Variants in PRKG1 observed in about 807,000 individuals in gnomAD.
PRKG1 encodes cGMP-dependent protein kinase 1.
A neutral mutation model predicts 88.1 loss-of-function variants in PRKG1; 35 were observed. The observed-to-expected ratio is 0.40, with a 90% CI of 0.30 to 0.53. The LOEUF is 0.53. PRKG1 is among the 20% of genes least tolerant of loss of function. The pLI, the probability that PRKG1 is intolerant of heterozygous loss-of-function variation, is 0.59. For synonymous variants in PRKG1, 303 were observed against 292.5 expected, an observed-to-expected ratio of 1.04 and a Z score of -0.37; for missense variants, 540 against 839.8, an observed-to-expected ratio of 0.64 and a Z score of 4.41.
At chr10:52,083,780 T>C (rs1846839996) in intron 7 of PRKG1, among the ~76,000 whole-genome samples, 1 of 152,056 alleles carries the variant, frequency 6.6e-6, no homozygotes. Context: ...GGAAATTAGA[T>C]GTAGATTTAT....
intron 2 of PRKG1, among the ~76,000 whole-genome samples, chr10:51,436,317 C>T (rs763793605): frequency 5.3e-5 from 8 of 151,664 alleles, no homozygotes; most frequent in African/African-American, 1.2e-4. Context: ...TGTTAGTGTG[C>T]GTGTGTTTGT....
chr10:51,312,618 C>A (rs981669255), intron 2 of PRKG1, among the ~76,000 whole-genome samples: 3 of 151,920 alleles, frequency 2.0e-5, no homozygotes, highest in African/African-American at 7.3e-5. Context: ...TCTGAAGGAC[C>A]ATAGTAAAAT....
intron 3 of PRKG1, among the ~76,000 whole-genome samples, chr10:51,690,715 C>T (rs894457431): frequency 6.6e-6 from 1 of 151,856 alleles, no homozygotes; most frequent in Non-Finnish European, 1.5e-5. Flanking sequence ...ATAAGGAGGT[C>T]CAGAGATCGA....
intron 4 of PRKG1, among the ~76,000 whole-genome samples, chr10:51,830,574 T>G (rs10999679): frequency 0.13 from 17,669 of 140,340 alleles, 613 homozygotes; most frequent in South Asian, 0.22. Flanking sequence ...TTTTTTTTTT[T>G]TTTTTGAGTC....
intron 3 of PRKG1, among the ~76,000 whole-genome samples, chr10:51,804,239 C>CT (rs1442443670): frequency 6.6e-6 from 1 of 152,042 alleles, no homozygotes; most frequent in Non-Finnish European, 1.5e-5. Context: ...TTGTGAACCT[C>CT]TTTTTTCTTC....
chr10:51,908,864 G>C (rs1395103664), intron 5 of PRKG1: 1 of 151,882 alleles, frequency 6.6e-6, no homozygotes, highest in African/African-American at 2.4e-5. Flanking sequence ...TGAGTAGTTG[G>C]GATTACAGGT....
chr10:51,919,667 GC>G (rs1842420034), intron 5 of PRKG1, among the ~76,000 whole-genome samples: 1 of 145,684 alleles, frequency 6.9e-6, no homozygotes, highest in African/African-American at 2.4e-5. Flanking sequence ...AAATTGAACA[GC>G]CCCCCACCTT....
At chr10:52,129,811 A>G (rs928542925) in intron 7 of PRKG1, among the ~76,000 whole-genome samples, 2 of 152,212 alleles carry the variant, frequency 1.3e-5, no homozygotes, top group Non-Finnish European at 2.9e-5. Context: ...TCTATTAACA[A>G]GTAAATATAA....
At chr10:51,412,303 A>T (rs1280060516) in intron 2 of PRKG1, among the ~76,000 whole-genome samples, 1 of 152,108 alleles carries the variant, frequency 6.6e-6, no homozygotes, top group Non-Finnish European at 1.5e-5. Flanking sequence ...CACAAAACTC[A>T]AAACTAGCTG....
At chr10:52,129,234 C>G (rs1219756705) in intron 7 of PRKG1, among the ~76,000 whole-genome samples, 4 of 152,130 alleles carry the variant, frequency 2.6e-5, no homozygotes, top group Non-Finnish European at 5.9e-5. Context: ...GATAAAAATA[C>G]ATTTAATAAC....
chr10:51,815,832 C>G (rs912777143), intron 4 of PRKG1, among the ~76,000 whole-genome samples: 1 of 152,166 alleles, frequency 6.6e-6, no homozygotes, highest in Non-Finnish European at 1.5e-5. Context: ...GATTTTCTGA[C>G]TCTTTCTAGG....
intron 2 of PRKG1, among the ~76,000 whole-genome samples, chr10:51,289,341 C>T (rs1029318778): frequency 4.6e-4 from 70 of 152,118 alleles, no homozygotes; most frequent in African/African-American, 1.5e-3. Context: ...TATTGCTTCT[C>T]CTAAGGCTAC....
intron 3 of PRKG1, among the ~76,000 whole-genome samples, chr10:51,542,568 T>G (rs1842332660): frequency 6.6e-6 from 1 of 152,188 alleles, no homozygotes; most frequent in South Asian, 2.1e-4. Context: ...GAAATCTTTG[T>G]TTTTAACTCC....
chr10:51,562,631 C>T (rs913349719), intron 3 of PRKG1, among the ~76,000 whole-genome samples: 1 of 152,098 alleles, frequency 6.6e-6, no homozygotes, highest in Non-Finnish European at 1.5e-5. Context: ...TCTTTGATTA[C>T]TATAATTTCT....
At chr10:51,015,925 A>C (rs1316878460) in intron 1 of PRKG1, among the ~76,000 whole-genome samples, 4 of 152,154 alleles carry the variant, frequency 2.6e-5, no homozygotes, top group Non-Finnish European at 5.9e-5. Context: ...AAGCCCTCTG[A>C]AGGGTCTTCT....
intron 3 of PRKG1, among the ~76,000 whole-genome samples, chr10:51,641,408 T>C (rs1589153994): frequency 6.6e-6 from 1 of 152,284 alleles, no homozygotes; most frequent in East Asian, 1.9e-4. Flanking sequence ...ATGAATTTTT[T>C]AGTCTACAGG....
chr10:51,619,761 G>T (rs886271851), intron 3 of PRKG1, among the ~76,000 whole-genome samples: 3 of 152,110 alleles, frequency 2.0e-5, no homozygotes, highest in African/African-American at 4.8e-5. Flanking sequence ...CCCATTTATT[G>T]TCAGGTCTAT....
intron 5 of PRKG1, among the ~76,000 whole-genome samples, chr10:51,936,554 G>A (rs899588027): frequency 7.2e-5 from 11 of 152,080 alleles, no homozygotes; most frequent in African/African-American, 2.4e-4. Context: ...TGGATTCTAA[G>A]GAATGAGTCA....
At chr10:52,048,629 G>A (rs1039915834) in intron 5 of PRKG1, among the ~76,000 whole-genome samples, 1 of 152,070 alleles carries the variant, frequency 6.6e-6, no homozygotes, top group African/African-American at 2.4e-5. Flanking sequence ...ATATATTAAT[G>A]TTGAATTCTG....
Sources: gnomAD v4.1 joint callset for allele counts (sites outside exome capture counted in the v4.1 genomes callset) on GRCh38, gnomAD v4.1.1 for gene constraint, MANE v1.5 for transcripts, NCBI Gene and HGNC (gene_info 2026-07-23, HGNC 2026-07-21) for gene names.